Variants in ATXN7 observed in about 807,000 individuals in gnomAD.
The protein encoded by ATXN7 is ataxin 7, also known as ataxin-7.
ATXN7 carries 12 observed loss-of-function variants against 70.5 expected under a neutral mutation model. That is an observed-to-expected ratio of 0.17 (90% CI 0.11 to 0.28). The LOEUF is 0.28. ATXN7 is among the 10% of genes least tolerant of loss of function. ATXN7 has a pLI of 1.00. For missense variants in ATXN7, 1,256 were observed against 1,131.7 expected (o/e 1.11, Z -1.58); for synonymous variants, 498 against 448.7 (o/e 1.11, Z -1.39).
At chr3:63,972,676 G>T (rs1256648381) in intron 5 of ATXN7, among the ~76,000 whole-genome samples, 2 of 152,186 alleles carry the variant, frequency 1.3e-5, no homozygotes, top group Non-Finnish European at 2.9e-5. Context: ...TAGCTTGAAT[G>T]AATGTTCTTT....
chr3:63,928,342 A>G (rs1417041293), intron 4 of ATXN7, among the ~76,000 whole-genome samples: 1 of 152,202 alleles, frequency 6.6e-6, no homozygotes, highest in Non-Finnish European at 1.5e-5. Flanking sequence ...TAGGATTTAG[A>G]TAGATGGCAA....
chr3:63,979,849 C>A, intron 5 of ATXN7, 66 bp from the exon 6 acceptor site: 2 of 1,594,540 alleles, frequency 1.3e-6, no homozygotes, highest in South Asian at 1.1e-5. Flanking sequence ...TCAGGGAATT[C>A]TTCCAGAATT....
At chr3:63,912,127 CGGAAG>C (rs1382001647) in intron 2 of ATXN7, 1 of 152,130 alleles carries the variant, frequency 6.6e-6, no homozygotes, top group East Asian at 1.9e-4. Context: ...GACGCGCGGA[CGGAAG>C]GAAGGAGCGG....
At chr3:63,863,811 C>A, upstream of ATXN7, 3 of 1,234,266 alleles carry the variant, frequency 2.4e-6, no homozygotes, top group South Asian at 1.2e-4. Flanking sequence ...GCGGCGGCGG[C>A]GGCGGCGGCG....
At chr3:63,977,002 C>G (rs6445387) in intron 5 of ATXN7, among the ~76,000 whole-genome samples, 23,724 of 152,148 alleles carry the variant, frequency 0.16, 1,888 homozygotes, top group Admixed American at 0.19. Flanking sequence ...ACTGTGAAGT[C>G]ATGGAAGGAG....
At chr3:63,928,766 T>C (rs1307226285) in intron 4 of ATXN7, among the ~76,000 whole-genome samples, 1 of 152,228 alleles carries the variant, frequency 6.6e-6, no homozygotes, top group East Asian at 1.9e-4. Context: ...GGCTTATTTC[T>C]GCATGTTGAG....
intron 5 of ATXN7, among the ~76,000 whole-genome samples, chr3:63,967,175 G>T (rs551880427): frequency 8.9e-4 from 135 of 152,284 alleles, no homozygotes; most frequent in African/African-American, 3.1e-3. Flanking sequence ...AGGGAAACAG[G>T]CCAGGAAGAC....
intron 8 of ATXN7, among the ~76,000 whole-genome samples, chr3:63,984,200 A>G (rs892013879): frequency 2.6e-5 from 4 of 151,126 alleles, no homozygotes; most frequent in Non-Finnish European, 4.4e-5. Flanking sequence ...ACCTTTAAAT[A>G]TCTCATTTTT....
chr3:63,916,901 A>T (rs1242905125), intron 4 of ATXN7, among the ~76,000 whole-genome samples: 1 of 151,288 alleles, frequency 6.6e-6, no homozygotes, highest in Non-Finnish European at 1.5e-5. Flanking sequence ...ATACATTTTG[A>T]CTTTTTGTTG....
chr3:63,924,153 T>C (rs761216660), intron 4 of ATXN7, among the ~76,000 whole-genome samples: 1 of 152,050 alleles, frequency 6.6e-6, no homozygotes, highest in Non-Finnish European at 1.5e-5. Context: ...AAATTGGATG[T>C]GGATGAGGGA....
At chr3:63,940,401 G>T (rs1166337146) in intron 4 of ATXN7, among the ~76,000 whole-genome samples, 1 of 151,798 alleles carries the variant, frequency 6.6e-6, no homozygotes, top group Non-Finnish European at 1.5e-5. Flanking sequence ...GTAAAGACAG[G>T]TCAGTAGCCA....
chr3:63,914,385 G>A (rs1215806257), intron 4 of ATXN7, among the ~76,000 whole-genome samples: 4 of 152,154 alleles, frequency 2.6e-5, no homozygotes, highest in African/African-American at 9.7e-5. Flanking sequence ...CTTCCAATTG[G>A]AACAGATTAT....
At chr3:63,891,132 C>T (rs541117343) in intron 1 of ATXN7, among the ~76,000 whole-genome samples, 2 of 152,232 alleles carry the variant, frequency 1.3e-5, no homozygotes, top group South Asian at 2.1e-4. Context: ...GCCTCAGCCT[C>T]CTGAGAAGCT....
At chr3:63,984,017 A>C (rs1200580000) in intron 8 of ATXN7, among the ~76,000 whole-genome samples, 2 of 152,174 alleles carry the variant, frequency 1.3e-5, no homozygotes, top group Non-Finnish European at 2.9e-5. Flanking sequence ...TATTTGAATA[A>C]AGGACTTCAG....
intron 1 of ATXN7, among the ~76,000 whole-genome samples, chr3:63,877,921 G>T (rs1405355049): frequency 6.6e-6 from 1 of 152,200 alleles, no homozygotes; most frequent in East Asian, 1.9e-4. Flanking sequence ...ATAAGCATAT[G>T]CCAGTCCTCT....
rs965571477 is a variant in ATXN7, at chr3:64,001,540, C to G, written c.*2073C>G. 2.6e-5 allele frequency: 4 copies of G among 152,168 alleles called. No individual in the cohort carries two copies. The highest frequency in any genetic ancestry group is 2.6e-4 in the Admixed American group (4 of 15,270). 9.4% of individuals were successfully genotyped at this position (152,168 alleles called of 1,614,324 possible). A position where few individuals can be genotyped will look rare whatever the true frequency, so the allele number is the denominator to read the frequency against. ...TTAGCAATGGAATTTACAGATCGAT[C>G]ATGTTGTTCCGAAAGATGTGAATAG... On this transcript the variant is annotated 3_prime_UTR_variant, in exon 13 of 13. Transcript: ENST00000674280.
At chr3:63,880,787 C>G (rs558230496) in intron 1 of ATXN7, among the ~76,000 whole-genome samples, 2 of 152,258 alleles carry the variant, frequency 1.3e-5, no homozygotes, top group Admixed American at 1.3e-4. Flanking sequence ...GACACGCCGC[C>G]CTTCTCATTC....
At chr3:63,878,274 A>G (rs1702803148) in intron 1 of ATXN7, among the ~76,000 whole-genome samples, 2 of 152,216 alleles carry the variant, frequency 1.3e-5, no homozygotes, top group South Asian at 4.1e-4. Flanking sequence ...CATCAGCCAG[A>G]GGAAACCCTG....
In ATXN7 at chr3:63,997,119, G is replaced by A. The variant is rs368071769; in HGVS notation, c.2661+636G>A. Among the ~76,000 whole-genome samples the A allele has an allele frequency of 8.5e-5, 13 of 152,270 alleles. 1 individual carries two copies. In the South Asian group the frequency reaches 2.1e-3, roughly 24 times the overall value. ...CTAAAAATACGAAAATTAGCTGGGT[G>A]TGGTGGTGCACGCCTGTAATCCCAG... On this transcript the variant is annotated intron_variant, in intron 12 of 12. Coordinates refer to ENST00000674280, the MANE Select transcript of ATXN7 (RefSeq NM_001377405.1).
Sources: gnomAD v4.1 joint callset for allele counts (sites outside exome capture counted in the v4.1 genomes callset) on GRCh38, gnomAD v4.1.1 for gene constraint, MANE v1.5 for transcripts, NCBI Gene and HGNC (gene_info 2026-07-23, HGNC 2026-07-21) for gene names.